The following GUCY1A1 variants were observed in gnomAD, a reference collection of about 807,000 sequenced individuals.
GUCY1A1 encodes the protein guanylate cyclase soluble subunit alpha-1.
In GUCY1A1, 48 loss-of-function variants were observed where a neutral mutation model predicts 64.5. The observed-to-expected ratio is 0.74, with a 90% CI of 0.59 to 0.95. The LOEUF (loss-of-function observed/expected upper bound fraction) is 0.95, where lower values mean the gene tolerates loss of function less well. GUCY1A1 is among the 40% of genes least tolerant of loss of function. The probability of loss-of-function intolerance (pLI) is 0.00; values close to 1 mark genes in which losing one functional copy is unlikely to be tolerated. For missense variants in GUCY1A1, 804 were observed against 825.3 expected (o/e 0.97, Z 0.32); for synonymous variants, 308 against 303.4 (o/e 1.02, Z -0.16).
chr4:155,699,578 A>G (rs375860886), intron 3 of GUCY1A1, among the ~76,000 whole-genome samples: 6 of 152,296 alleles, frequency 3.9e-5, no homozygotes, highest in East Asian at 3.9e-4. Flanking sequence ...CTCCTCTCCA[A>G]CTGAGATATT....
At chr4:155,693,838 C>T (rs1350485880) in intron 2 of GUCY1A1, among the ~76,000 whole-genome samples, 1 of 152,080 alleles carries the variant, frequency 6.6e-6, no homozygotes, top group Non-Finnish European at 1.5e-5. Flanking sequence ...CAGCTGGATT[C>T]AGTAGGAAGA....
chr4:155,685,679 C>T (rs1405614018), intron 2 of GUCY1A1, among the ~76,000 whole-genome samples: 1 of 125,730 alleles, frequency 8.0e-6, no homozygotes, highest in Non-Finnish European at 1.6e-5. Context: ...TTAATGTGTT[C>T]TTGATTAGGT....
intron 9 of GUCY1A1, among the ~76,000 whole-genome samples, chr4:155,723,627 CATTT>C (rs3070258): frequency 0.39 from 57,363 of 147,114 alleles, 11,579 homozygotes; most frequent in East Asian, 0.52. Context: ...TCTTCTTCTG[CATTT>C]ATTTATTTAT....
chr4:155,680,847 G>A (rs1735631440), intron 2 of GUCY1A1, among the ~76,000 whole-genome samples: 1 of 151,874 alleles, frequency 6.6e-6, no homozygotes, highest in Non-Finnish European at 1.5e-5. Flanking sequence ...CATCTGGGAT[G>A]GCAGAGGCAG....
chr4:155,730,483 T>G lies in GUCY1A1; in HGVS notation c.*252T>G. On this transcript the variant is annotated 3_prime_UTR_variant, in exon 10 of 10. Coordinates refer to ENST00000506455, the MANE Select transcript of GUCY1A1 (RefSeq NM_001130682.3). Reference sequence around the variant, plus strand: ...GTATTTCTATTATATAACCAGCACTTACTACCTGTACTCAAAATTCAGCAC... The same window carrying G: ...GTATTTCTATTATATAACCAGCACTGACTACCTGTACTCAAAATTCAGCAC... 3.1e-6 allele frequency: 1 copy of G among 327,570 alleles called. No individual in the cohort carries two copies. Among genetic ancestry groups the G allele is most frequent in the Non-Finnish European group, 5.6e-6 (1 of 177,348 alleles). 20.3% of individuals were successfully genotyped at this position (327,570 alleles called of 1,614,324 possible).
At position 155,735,684 on chromosome 4, in the gene GUCY1A1, C is replaced by A. The variant is rs1439610324; in HGVS notation, c.*5453C>A. On this transcript the variant is annotated 3_prime_UTR_variant, in exon 10 of 10. Coordinates refer to ENST00000506455, the MANE Select transcript of GUCY1A1 (RefSeq NM_001130682.3). ...GATGTTTGTTCCATCTGAAATGCTG[C>A]CAAATCCATCTGTATTGAGGAAAGA... 1.3e-5 allele frequency: 2 copies of A among 151,892 alleles called. No homozygotes were observed. The highest frequency in any genetic ancestry group is 3.9e-4 in the East Asian group (2 of 5,162). 9.4% of individuals were successfully genotyped at this position (151,892 alleles called of 1,614,324 possible). A position where few individuals can be genotyped will look rare whatever the true frequency, so the allele number is the denominator to read the frequency against.
At position 155,668,020 on chromosome 4, in the gene GUCY1A1, G is replaced by A. The variant is rs1163809188; in HGVS notation, c.-113+601G>A. On this transcript the variant is annotated intron_variant, in intron 2 of 9. Coordinates refer to ENST00000506455, the MANE Select transcript of GUCY1A1 (RefSeq NM_001130682.3). ...CCGGCTAACTGCCCAGCGGCTCCAC[G>A]AGGTGTGCGCGTGTGTGCGAGAGAG... The A allele has an allele frequency of 2.0e-5, 3 of 152,288 alleles. No homozygotes were observed. In the East Asian group the frequency reaches 5.8e-4, roughly 29 times the overall value. The allele number at this position is 152,288 out of a possible 1,614,324, so 9.4% of individuals were successfully genotyped here.
chr4:155,678,229 C>G (rs1323440826), intron 2 of GUCY1A1, among the ~76,000 whole-genome samples: 1 of 152,076 alleles, frequency 6.6e-6, no homozygotes, highest in African/African-American at 2.4e-5. Context: ...CTGCTGCAAT[C>G]TGTGAGAGAA....
chr4:155,677,757 CAGG>C (rs1251881478), intron 2 of GUCY1A1, among the ~76,000 whole-genome samples: 1 of 151,994 alleles, frequency 6.6e-6, no homozygotes, highest in East Asian at 1.9e-4. Flanking sequence ...GAAACTGAGG[CAGG>C]AGAACTGTTT....
intron 2 of GUCY1A1, among the ~76,000 whole-genome samples, chr4:155,678,611 G>A (rs1039007544): frequency 4.6e-5 from 7 of 152,134 alleles, no homozygotes; most frequent in African/African-American, 1.4e-4. Context: ...AATTAATAAT[G>A]GAACCGGTAT....
chr4:155,678,013 T>C (rs777200117), intron 2 of GUCY1A1, among the ~76,000 whole-genome samples: 3 of 152,044 alleles, frequency 2.0e-5, no homozygotes, highest in Non-Finnish European at 4.4e-5. Context: ...TTCAAAATAA[T>C]AAATTATTAG....
At chr4:155,724,224 G>A (rs527329729) in intron 9 of GUCY1A1, among the ~76,000 whole-genome samples, 2 of 152,154 alleles carry the variant, frequency 1.3e-5, no homozygotes, top group Admixed American at 1.3e-4. Context: ...TAACTTTTCT[G>A]TGGAAATTAA....
At chr4:155,708,778 A>G (rs1031187040) in intron 5 of GUCY1A1, among the ~76,000 whole-genome samples, 1 of 152,290 alleles carries the variant, frequency 6.6e-6, no homozygotes, top group South Asian at 2.1e-4. Context: ...TTCTAAAAGT[A>G]TAAGATATTG....
At chr4:155,720,342 T>C (rs1445982504) in intron 8 of GUCY1A1, among the ~76,000 whole-genome samples, 1 of 58,108 alleles carries the variant, frequency 1.7e-5, no homozygotes, top group East Asian at 4.8e-4. Context: ...CTTTATTCTA[T>C]CTATCTATCT....
rs375296361 is a variant in GUCY1A1 at position 155,722,121 on chromosome 4, T to C, written c.1800T>C (p.Asn600=). 10 of 1,613,504 alleles carry C rather than the reference T, an allele frequency of 6.2e-6. No homozygotes were observed. In the African/African-American group the frequency reaches 1.2e-4, roughly 19 times the overall value. ...CCCGTTACTGTCTTTTTGGAAACAA[T>C]GTCACTCTGGCTAACAAATTTGAGT... is the stretch of plus-strand genomic sequence containing the variant. The part of the protein sequence containing the change: ...KMPRYCLFGN[N]VTLANKFESC... The change falls in exon 9 of 10, where the codon AAT becomes AAC. Residue 600 remains asparagine, a synonymous_variant. Transcript: ENST00000506455.
intron 5 of GUCY1A1, among the ~76,000 whole-genome samples, chr4:155,710,262 T>C: frequency 6.6e-6 from 1 of 152,176 alleles, no homozygotes; most frequent in East Asian, 1.9e-4. Context: ...AATTATTCTT[T>C]TGTAGTTAGG....
intron 2 of GUCY1A1, among the ~76,000 whole-genome samples, chr4:155,688,877 A>G (rs1354321660): frequency 6.6e-6 from 1 of 152,080 alleles, no homozygotes; most frequent in African/African-American, 2.4e-5. Context: ...CACCTCAGCA[A>G]TTGTAGGCCT....
intron 2 of GUCY1A1, among the ~76,000 whole-genome samples, chr4:155,688,160 G>A (rs1360443840): frequency 1.3e-5 from 2 of 151,868 alleles, no homozygotes; most frequent in Admixed American, 6.6e-5. Context: ...CCCGGGAGGT[G>A]GAGCTTGCAG....
intron 4 of GUCY1A1, among the ~76,000 whole-genome samples, chr4:155,707,443 C>G (rs57248990): frequency 0.028 from 4,262 of 152,230 alleles, 207 homozygotes; most frequent in African/African-American, 0.096. Flanking sequence ...GTTGTTTACC[C>G]TCACAATTTC....
Sources: allele counts gnomAD v4.1 joint callset (sites outside exome capture counted in the v4.1 genomes callset), GRCh38; gene constraint gnomAD v4.1.1; transcripts MANE v1.5; gene names NCBI Gene and HGNC (gene_info 2026-07-23, HGNC 2026-07-21).